The following TNPO1 variants were observed in gnomAD, a reference collection of about 807,000 sequenced individuals.
TNPO1 encodes transportin 1.
In TNPO1, 8 loss-of-function variants were observed where a neutral mutation model predicts 119.5. That is an observed-to-expected ratio of 0.07 (90% CI 0.04 to 0.12). TNPO1 has a LOEUF of 0.12. Ranked by LOEUF, TNPO1 falls within the 10% of genes least tolerant of loss-of-function variation. TNPO1 has a pLI of 1.00. For synonymous variants in TNPO1, 362 were observed against 363.0 expected, an observed-to-expected ratio of 1.00 and a Z score of 0.03; for missense variants, 576 against 1,089.8, an observed-to-expected ratio of 0.53 and a Z score of 6.64.
At chr5:72,905,855 C>A (rs1022851895) in intron 24 of TNPO1, among the ~76,000 whole-genome samples, 1 of 152,118 alleles carries the variant, frequency 6.6e-6, no homozygotes, top group Non-Finnish European at 1.5e-5. Context: ...CAAGATCTTG[C>A]CAGTGCACTC....
intron 1 of TNPO1, among the ~76,000 whole-genome samples, chr5:72,833,853 A>G (rs1744577838): frequency 1.3e-5 from 2 of 152,226 alleles, no homozygotes; most frequent in Admixed American, 6.5e-5. Flanking sequence ...CTTACAGAAT[A>G]TATGCTGCTG....
chr5:72,865,325 C>T (rs866031640), intron 5 of TNPO1, among the ~76,000 whole-genome samples: 29 of 151,686 alleles, frequency 1.9e-4, no homozygotes, highest in African/African-American at 7.0e-4. Flanking sequence ...ACCTGTAATC[C>T]CAGCTACTCG....
At position 72,875,717 on chromosome 5, in the gene TNPO1, C is replaced by A; in HGVS notation, c.781C>A (p.His261Asn). ...AGTTCGAATGGATCGCCTGCTTCCT[C>A]ACATGCATAATATAGTTGAGGTAAC... ...LEVRMDRLLP[H>N]MHNIVEYMLQ... Residue 261 changes from histidine to asparagine, a missense_variant, in exon 8 of 25, where the codon CAC (histidine) becomes AAC (asparagine). By Grantham distance (68) the His-to-Asn change is moderately conservative (BLOSUM62 1). Transcript: ENST00000337273. The A allele has an allele frequency of 6.2e-7, 1 of 1,612,454 alleles. No individual in the cohort carries two copies. The highest frequency in any genetic ancestry group is 1.1e-5 in the South Asian group (1 of 90,958).
intron 5 of TNPO1, among the ~76,000 whole-genome samples, chr5:72,864,810 T>C (rs1936275505): frequency 6.6e-6 from 1 of 151,992 alleles, no homozygotes; most frequent in Non-Finnish European, 1.5e-5. Context: ...GGTTTCACCA[T>C]GTTGGCTAGG....
At chr5:72,825,358 G>C (rs1417927254) in intron 1 of TNPO1, among the ~76,000 whole-genome samples, 1 of 152,124 alleles carries the variant, frequency 6.6e-6, no homozygotes, top group Non-Finnish European at 1.5e-5. Context: ...TTAGGAAATG[G>C]GAGTGGAGTC....
At chr5:72,821,197 A>AAAAC (rs1611014) in intron 1 of TNPO1, among the ~76,000 whole-genome samples, 130,942 of 151,676 alleles carry the variant, frequency 0.86, 56,701 homozygotes, top group Middle Eastern at 0.96. Flanking sequence ...ATTAGAGAAA[A>AAAAC]ATTCATATTT....
intron 19 of TNPO1, 43 bp from the exon 20 acceptor site, chr5:72,897,013 A>T (rs1749482260): frequency 7.5e-7 from 1 of 1,331,290 alleles, no homozygotes; most frequent in African/African-American, 1.5e-5. Context: ...TTTAACGTTC[A>T]ATTTTTTCTT....
intron 1 of TNPO1, among the ~76,000 whole-genome samples, chr5:72,838,531 CT>C (rs756024816): frequency 1.3e-5 from 2 of 152,052 alleles, no homozygotes; most frequent in African/African-American, 4.8e-5. Flanking sequence ...GCATCATAGC[CT>C]TTTTTTACCA....
intron 6 of TNPO1, among the ~76,000 whole-genome samples, chr5:72,866,494 C>T (rs1200378579): frequency 2.0e-5 from 3 of 152,152 alleles, no homozygotes; most frequent in South Asian, 2.1e-4. Context: ...TGGCTCATAC[C>T]TGTAATCCTA....
chr5:72,839,233 T>C (rs1327169744), intron 1 of TNPO1, among the ~76,000 whole-genome samples: 1 of 152,138 alleles, frequency 6.6e-6, no homozygotes, highest in African/African-American at 2.4e-5. Context: ...CCTAATTATT[T>C]TGATTAATTG....
chr5:72,868,698 A>G (rs1169972277), intron 6 of TNPO1, among the ~76,000 whole-genome samples: 1 of 151,990 alleles, frequency 6.6e-6, no homozygotes, highest in Non-Finnish European at 1.5e-5. Flanking sequence ...ATTCTGATAT[A>G]TCTTAGAGCA....
At chr5:72,865,437 CAAAAAA>C (rs1367337532) in intron 5 of TNPO1, among the ~76,000 whole-genome samples, 153 bp from the exon 6 acceptor site, 1 of 135,868 alleles carries the variant, frequency 7.4e-6, no homozygotes, top group Non-Finnish European at 1.6e-5. Flanking sequence ...GACTCCGTCT[CAAAAAA>C]AAAAAAATTG....
intron 9 of TNPO1, among the ~76,000 whole-genome samples, chr5:72,879,591 C>T (rs1261017327): frequency 6.6e-6 from 1 of 152,166 alleles, no homozygotes; most frequent in African/African-American, 2.4e-5. Flanking sequence ...ATCCTCTTGC[C>T]TCAAGCAATT....
At chr5:72,825,024 A>C (rs1744142911) in intron 1 of TNPO1, among the ~76,000 whole-genome samples, 1 of 151,322 alleles carries the variant, frequency 6.6e-6, no homozygotes, top group Non-Finnish European at 1.5e-5. Flanking sequence ...TTTTTCTTTT[A>C]CTCTTCAGAT....
In TNPO1 at chr5:72,825,176, C is replaced by A. The variant is rs989993298; in HGVS notation, c.15+8424C>A. Among the ~76,000 whole-genome samples the A allele has an allele frequency of 2.9e-4, 44 of 152,208 alleles. 1 individual carries two copies. The highest frequency in any genetic ancestry group is 2.6e-3 in the Admixed American group (40 of 15,286). ...GTTGGATTACTGAAATAGGTTACTA[C>A]CTGGTCTGCCCCTTCTGCCCTATCC... On this transcript the variant is annotated intron_variant, in intron 1 of 24. Coordinates refer to ENST00000337273, the MANE Select transcript of TNPO1 (RefSeq NM_002270.4).
chr5:72,858,749 ATG>A (rs1746191924), intron 4 of TNPO1, among the ~76,000 whole-genome samples: 1 of 151,798 alleles, frequency 6.6e-6, no homozygotes, highest in Non-Finnish European at 1.5e-5. Flanking sequence ...AGGCAGGAGA[ATG>A]GCATGAACCC....
At chr5:72,833,782 C>T (rs566063601) in intron 1 of TNPO1, among the ~76,000 whole-genome samples, 3 of 152,130 alleles carry the variant, frequency 2.0e-5, no homozygotes, top group Admixed American at 6.6e-5. Flanking sequence ...TTATACGTCT[C>T]ATTAATCCTG....
In TNPO1 at chr5:72,911,837, A is replaced by G. The variant is rs765295533; in HGVS notation, c.*3164A>G. 1.3e-5 allele frequency: 2 copies of G among 152,514 alleles called. No individual in the cohort carries two copies. Among genetic ancestry groups the G allele is most frequent in the African/African-American group, 2.4e-5 (1 of 41,438 alleles). The allele number at this position is 152,514 out of a possible 1,614,324, so 9.4% of individuals were successfully genotyped here. A position where few individuals can be genotyped will look rare whatever the true frequency, so the allele number is the denominator to read the frequency against. The stretch of plus-strand genomic sequence containing the variant: ...AGGAGGTCAGTGTTTACTGTTTTAT[A>G]TATGCCTTCTTTTTCCTGTTTGAGC... On this transcript the variant is annotated 3_prime_UTR_variant, in exon 25 of 25. Transcript: ENST00000337273.
At position 72,912,206 on chromosome 5, in the gene TNPO1, A is replaced by G. The variant is rs1327102872; in HGVS notation, c.*3533A>G. 6.6e-6 allele frequency: 1 copy of G among 152,546 alleles called. No individual in the cohort carries two copies. The highest frequency in any genetic ancestry group is 1.5e-5 in the Non-Finnish European group (1 of 67,956). The allele number at this position is 152,546 out of a possible 1,614,324, so 9.4% of individuals were successfully genotyped here. On this transcript the variant is annotated 3_prime_UTR_variant, in exon 25 of 25. Transcript: ENST00000337273. ...TTTGTTATGCAAGTTAGATTTCAGAAGAATAGATTTTAAAACACTTAACCA... is the reference window on the plus strand; with the variant it reads ...TTTGTTATGCAAGTTAGATTTCAGAGGAATAGATTTTAAAACACTTAACCA...
Sources: allele counts gnomAD v4.1 joint callset (sites outside exome capture counted in the v4.1 genomes callset), GRCh38; gene constraint gnomAD v4.1.1; transcripts MANE v1.5; gene names NCBI Gene and HGNC (gene_info 2026-07-23, HGNC 2026-07-21).